The following DPP10 variants were observed in gnomAD, a reference collection of about 807,000 sequenced individuals.
The protein encoded by DPP10 is dipeptidyl peptidase like 10.
DPP10 carries 33 observed loss-of-function variants against 120.9 expected under a neutral mutation model. The ratio of observed to expected loss-of-function variants is 0.27; its 90% CI spans 0.21 to 0.37. The LOEUF (loss-of-function observed/expected upper bound fraction) is 0.37, where lower values mean the gene tolerates loss of function less well. Ranked by LOEUF, DPP10 falls within the 10% of genes least tolerant of loss-of-function variation. DPP10 has a pLI of 1.00. For synonymous variants in DPP10, 337 were observed against 326.1 expected (o/e 1.03, Z -0.36); for missense variants, 816 against 942.8 (o/e 0.87, Z 1.76).
Position 115,128,609 on chromosome 2 carries a change from T to A in DPP10, c.61-180630T>A, listed in dbSNP as rs566990033. Among the ~76,000 whole-genome samples the A allele has an allele frequency of 3.9e-5, 6 of 152,352 alleles. No individual in the cohort carries two copies. The East Asian group carries it at 1.2e-3, about 29-fold the overall frequency. On this transcript the variant is annotated intron_variant, in intron 1 of 25. Coordinates refer to ENST00000410059, the MANE Select transcript of DPP10 (RefSeq NM_020868.6). ...AACCAGATTTATTTACTGCAGTATT[T>A]CTCAGACCATTAGAACATGTGTAGT... is the stretch of plus-strand genomic sequence containing the variant.
intron 1 of DPP10, among the ~76,000 whole-genome samples, chr2:115,076,595 T>C (rs1310146694): frequency 6.6e-6 from 1 of 152,216 alleles, no homozygotes; most frequent in Non-Finnish European, 1.5e-5. Context: ...GCACTACGTG[T>C]ACATTACACT....
At chr2:115,075,312 A>T (rs1007364122) in intron 1 of DPP10, among the ~76,000 whole-genome samples, 1 of 152,234 alleles carries the variant, frequency 6.6e-6, no homozygotes, top group Non-Finnish European at 1.5e-5. Flanking sequence ...CATACTCAGC[A>T]ATCCTAGAAG....
At chr2:115,339,015 A>G (rs377287604) in intron 2 of DPP10, among the ~76,000 whole-genome samples, 22 of 152,150 alleles carry the variant, frequency 1.4e-4, no homozygotes, top group East Asian at 5.8e-4. Flanking sequence ...GTGAAAAGAC[A>G]ACTTACAGAC....
chr2:114,482,722 A>G (rs1450684156), intron 1 of DPP10, among the ~76,000 whole-genome samples: 6 of 152,202 alleles, frequency 3.9e-5, no homozygotes. Context: ...GACAAGCTTC[A>G]GATAGAGACT....
intron 1 of DPP10, among the ~76,000 whole-genome samples, chr2:114,670,268 C>T (rs1316692841): frequency 6.6e-6 from 1 of 152,080 alleles, no homozygotes; most frequent in Non-Finnish European, 1.5e-5. Flanking sequence ...TTGGAACCAA[C>T]CCAAATGTCC....
chr2:114,615,931 A>G (rs996475355), intron 1 of DPP10, among the ~76,000 whole-genome samples: 8 of 152,186 alleles, frequency 5.3e-5, no homozygotes, highest in African/African-American at 1.9e-4. Context: ...GTGTAGCCAT[A>G]TAATGGTAAT....
At chr2:115,002,018 A>C (rs1231374954) in intron 1 of DPP10, among the ~76,000 whole-genome samples, 1 of 152,204 alleles carries the variant, frequency 6.6e-6, no homozygotes, top group African/African-American at 2.4e-5. Context: ...TCCTCACAGA[A>C]TTAGACAAAA....
At chr2:115,542,209 A>G (rs1399006800) in intron 5 of DPP10, among the ~76,000 whole-genome samples, 1 of 151,822 alleles carries the variant, frequency 6.6e-6, no homozygotes, top group Admixed American at 6.6e-5. Flanking sequence ...CCACAACGAA[A>G]ATCTCTTTTG....
At chr2:115,694,803 G>A (rs1383069915) in intron 7 of DPP10, among the ~76,000 whole-genome samples, 1 of 152,202 alleles carries the variant, frequency 6.6e-6, no homozygotes, top group African/African-American at 2.4e-5. Context: ...TAGCTCAGAA[G>A]CAGCTACCTA....
chr2:114,982,652 G>A (rs1221992540), intron 1 of DPP10, among the ~76,000 whole-genome samples: 1 of 151,076 alleles, frequency 6.6e-6, no homozygotes, highest in Admixed American at 6.6e-5. Flanking sequence ...CCAGGCTGGA[G>A]TTCACTGGTG....
intron 1 of DPP10, among the ~76,000 whole-genome samples, chr2:114,480,120 G>A (rs1406183573): frequency 6.6e-6 from 1 of 152,078 alleles, no homozygotes; most frequent in African/African-American, 2.4e-5. Context: ...CATCATCACT[G>A]GCCATCAGAG....
chr2:114,644,177 C>T (rs537475114), intron 1 of DPP10, among the ~76,000 whole-genome samples: 5 of 149,538 alleles, frequency 3.3e-5, no homozygotes, highest in Admixed American at 1.3e-4. Flanking sequence ...CTCCTGACTT[C>T]GTGAACTGCC....
At chr2:114,927,937 A>G (rs1281634503) in intron 1 of DPP10, among the ~76,000 whole-genome samples, 3 of 151,988 alleles carry the variant, frequency 2.0e-5, no homozygotes, top group African/African-American at 7.3e-5. Flanking sequence ...GGCTCTTTTT[A>G]TCAACCAACT....
chr2:115,479,515 C>G (rs1451559942), intron 3 of DPP10, among the ~76,000 whole-genome samples: 1 of 152,028 alleles, frequency 6.6e-6, no homozygotes, highest in Admixed American at 6.6e-5. Context: ...TATGAATGTA[C>G]TTAATACTGC....
chr2:114,681,984 A>G (rs978524276), intron 1 of DPP10, among the ~76,000 whole-genome samples: 1 of 151,982 alleles, frequency 6.6e-6, no homozygotes, highest in Non-Finnish European at 1.5e-5. Flanking sequence ...GGTCTCACCT[A>G]GTAGAAAAAG....
intron 5 of DPP10, among the ~76,000 whole-genome samples, chr2:115,655,705 A>C (rs1037298430): frequency 1.3e-5 from 2 of 151,654 alleles, no homozygotes; most frequent in African/African-American, 4.8e-5. Flanking sequence ...TGGAGAATTA[A>C]TAAATAGAAT....
At chr2:115,745,864 A>G (rs1677899478) in intron 9 of DPP10, among the ~76,000 whole-genome samples, 1 of 152,116 alleles carries the variant, frequency 6.6e-6, no homozygotes, top group African/African-American at 2.4e-5. Context: ...ACGATTTCCT[A>G]TCACCTTTAA....
intron 2 of DPP10, among the ~76,000 whole-genome samples, chr2:115,336,941 A>G (rs745371974): frequency 7.2e-5 from 11 of 152,002 alleles, no homozygotes; most frequent in Non-Finnish European, 1.0e-4. Flanking sequence ...ATTTAAATGT[A>G]TCAAATAGTA....
At chr2:115,650,168 T>A (rs557057544) in intron 5 of DPP10, among the ~76,000 whole-genome samples, 1 of 152,176 alleles carries the variant, frequency 6.6e-6, no homozygotes, top group South Asian at 2.1e-4. Flanking sequence ...AATAAACAGA[T>A]CTTAGGCACA....
Sources: allele counts gnomAD v4.1 joint callset (sites outside exome capture counted in the v4.1 genomes callset), GRCh38; gene constraint gnomAD v4.1.1; transcripts MANE v1.5; gene names NCBI Gene and HGNC (gene_info 2026-07-23, HGNC 2026-07-21).